Variants in GLI2 observed in about 807,000 individuals in gnomAD.
GLI2 encodes transcription activator GLI2.
Under a neutral mutation model 78.9 loss-of-function variants are expected in GLI2, and 22 were observed. That is an observed-to-expected ratio of 0.28 (90% CI 0.20 to 0.40). GLI2 has a LOEUF of 0.40. Among genes scored for constraint, GLI2 ranks in the 10% least tolerant of loss-of-function variants. GLI2 has a pLI of 1.00. For synonymous variants in GLI2, 974 were observed against 963.7 expected (o/e 1.01, Z -0.20); for missense variants, 2,097 against 2,213.2 (o/e 0.95, Z 1.05).
At chr2:120,848,879 G>T (rs1220485219) in intron 2 of GLI2, among the ~76,000 whole-genome samples, 1 of 152,210 alleles carries the variant, frequency 6.6e-6, no homozygotes. Flanking sequence ...CTGCCCCTGT[G>T]TGACAAGGAC....
At chr2:120,929,043 T>C (rs1679825286) in intron 3 of GLI2, among the ~76,000 whole-genome samples, 2 of 152,310 alleles carry the variant, frequency 1.3e-5, no homozygotes, top group Admixed American at 1.3e-4. Flanking sequence ...TTCCTTAGTC[T>C]CTTTTGTCTT....
chr2:120,838,351 G>T (rs1175981956), intron 2 of GLI2, among the ~76,000 whole-genome samples: 1 of 152,050 alleles, frequency 6.6e-6, no homozygotes, highest in Non-Finnish European at 1.5e-5. Context: ...TATATTGATT[G>T]TATTTCTAGC....
chr2:120,846,784 T>A lies in GLI2; in HGVS notation c.148+49316T>A, dbSNP rs370574395. On this transcript the variant is annotated intron_variant, in intron 2 of 13. Coordinates refer to ENST00000361492, the MANE Select transcript of GLI2 (RefSeq NM_001374353.1). ...CTTGACCTCCCTGAGATTCTCTTTT[T>A]TCACCTATAAAACCCATGTTTCTAG... Among the ~76,000 whole-genome samples, 6 of 152,344 alleles carry A rather than the reference T, an allele frequency of 3.9e-5. No homozygotes were observed. The East Asian group carries it at 7.7e-4, about 20-fold the overall frequency.
chr2:120,792,144 G>C (rs1684179463), intron 1 of GLI2: 1 of 152,230 alleles, frequency 6.6e-6, no homozygotes, highest in Non-Finnish European at 1.5e-5. Context: ...AAAGAAACCA[G>C]GTGGCGGGAG....
intron 3 of GLI2, among the ~76,000 whole-genome samples, chr2:120,941,069 G>A (rs896297736): frequency 6.6e-5 from 10 of 152,310 alleles, no homozygotes; most frequent in African/African-American, 1.7e-4. Flanking sequence ...ACGTGTGGAC[G>A]CAGACACAGA....
intron 2 of GLI2, among the ~76,000 whole-genome samples, chr2:120,845,482 C>T (rs527398678): frequency 4.6e-4 from 70 of 152,332 alleles, no homozygotes; most frequent in African/African-American, 1.5e-3. Context: ...GACTTTCTGC[C>T]GTGCTCACAT....
At chr2:120,831,090 T>TCTCTCTCTCTCTTTCTGTCATC (rs1686340785) in intron 2 of GLI2, among the ~76,000 whole-genome samples, 3 of 151,630 alleles carry the variant, frequency 2.0e-5, no homozygotes, top group African/African-American at 4.8e-5. Context: ...TTTCTGTCAT[T>TCTCTCTCTCTCTTTCTGTCATC]CTCTCTCTCT....
chr2:120,840,969 G>C (rs1444936071), intron 2 of GLI2, among the ~76,000 whole-genome samples: 1 of 152,168 alleles, frequency 6.6e-6, no homozygotes, highest in African/African-American at 2.4e-5. Flanking sequence ...TTGTTATCTG[G>C]CCCTACGTGG....
intron 10 of GLI2, among the ~76,000 whole-genome samples, chr2:120,978,922 A>C (rs957651958): frequency 6.6e-6 from 1 of 152,230 alleles, no homozygotes; most frequent in Non-Finnish European, 1.5e-5. Flanking sequence ...GGACAGCTCC[A>C]TAGTGCTCTG....
intron 1 of GLI2, among the ~76,000 whole-genome samples, chr2:120,753,253 G>A (rs762715804): frequency 6.6e-6 from 1 of 151,984 alleles, no homozygotes. Flanking sequence ...CCGCCACCAC[G>A]CCCAGCTAAT....
At chr2:120,799,256 C>G (rs576188621) in intron 2 of GLI2, among the ~76,000 whole-genome samples, 2 of 152,200 alleles carry the variant, frequency 1.3e-5, no homozygotes, top group African/African-American at 4.8e-5. Flanking sequence ...CAACCCCACC[C>G]CACTGCAGCA....
intron 3 of GLI2, among the ~76,000 whole-genome samples, chr2:120,941,973 C>T (rs1680470222): frequency 6.6e-6 from 1 of 152,206 alleles, no homozygotes; most frequent in South Asian, 2.1e-4. Context: ...ACACCTTCCT[C>T]CACCCAGCAC....
intron 2 of GLI2, among the ~76,000 whole-genome samples, chr2:120,898,320 CAT>C (rs1678082762): frequency 6.6e-6 from 1 of 151,960 alleles, no homozygotes. Flanking sequence ...TCTCTGTAAA[CAT>C]GTGTTGTATT....
At chr2:120,924,447 A>T (rs1328320167) in intron 2 of GLI2, among the ~76,000 whole-genome samples, 2 of 152,090 alleles carry the variant, frequency 1.3e-5, no homozygotes, top group Non-Finnish European at 2.9e-5. Context: ...AAGGCCATGA[A>T]TCATTCTTGG....
intron 5 of GLI2, among the ~76,000 whole-genome samples, chr2:120,960,659 A>T (rs760421092): frequency 1.2e-4 from 19 of 152,346 alleles, no homozygotes; most frequent in Non-Finnish European, 2.2e-4. Context: ...AAGTAACCTC[A>T]TCTGGGCCAT....
intron 2 of GLI2, among the ~76,000 whole-genome samples, chr2:120,832,762 G>A (rs1052534362): frequency 4.6e-5 from 7 of 152,156 alleles, no homozygotes; most frequent in African/African-American, 1.2e-4. Flanking sequence ...GGCAGGTCAC[G>A]TCACTCCCTG....
intron 1 of GLI2, among the ~76,000 whole-genome samples, chr2:120,742,562 ACG>A (rs1682580294): frequency 6.6e-6 from 1 of 151,968 alleles, no homozygotes; most frequent in Non-Finnish European, 1.5e-5. Context: ...GTGTGTACGC[ACG>A]CCGAGAGCCC....
intron 2 of GLI2, among the ~76,000 whole-genome samples, chr2:120,911,295 G>C (rs1488387334): frequency 6.6e-6 from 1 of 152,234 alleles, no homozygotes; most frequent in East Asian, 1.9e-4. Flanking sequence ...CTCTAAAGTG[G>C]AGATAATAGT....
chr2:120,880,603 G>A (rs1013260309), intron 2 of GLI2, among the ~76,000 whole-genome samples: 1 of 152,132 alleles, frequency 6.6e-6, no homozygotes, highest in Non-Finnish European at 1.5e-5. Context: ...GCCCCACCAA[G>A]AGGCTGAGCC....
Sources: gnomAD v4.1 joint callset for allele counts (sites outside exome capture counted in the v4.1 genomes callset) on GRCh38, gnomAD v4.1.1 for gene constraint, MANE v1.5 for transcripts, NCBI Gene and HGNC (gene_info 2026-07-23, HGNC 2026-07-21) for gene names.